Variants in ZNF614 observed in about 807,000 individuals in gnomAD.
ZNF614 encodes the protein zinc finger protein 614.
A neutral mutation model predicts 12.8 loss-of-function variants in ZNF614; 11 were observed. The ratio of observed to expected loss-of-function variants is 0.86; its 90% CI spans 0.54 to 1.43. The LOEUF is 1.43. Among genes scored for constraint, ZNF614 ranks in the 40% most tolerant of loss-of-function variants. The probability of loss-of-function intolerance (pLI) is 0.00; values close to 1 mark genes in which losing one functional copy is unlikely to be tolerated. For synonymous variants in ZNF614, 237 were observed against 237.5 expected, an observed-to-expected ratio of 1.00 and a Z score of 0.02; for missense variants, 664 against 708.8, an observed-to-expected ratio of 0.94 and a Z score of 0.72.
At chr19:52,020,532 G>A (rs576922050) in intron 2 of ZNF614, among the ~76,000 whole-genome samples, 1 of 152,272 alleles carries the variant, frequency 6.6e-6, no homozygotes, top group South Asian at 2.1e-4. Context: ...AGCCAGCGAG[G>A]CGCACCTAAA....
chr19:52,017,334 C>T lies in ZNF614; in HGVS notation c.264G>A (p.Leu88=). The change falls in exon 5 of 5, where the codon CTG becomes CTA. Residue 88 remains leucine, a synonymous_variant. Transcript: ENST00000270649. ...CPGIGKVDSH[L]QEHSPNQRLL... is the part of the protein sequence containing the mutation. ...GTCTTTGGTTTGGAGAGTGCTCTTG[C>T]AGATGACTGTCAACTTTCCCGATTC... is the stretch of plus-strand genomic sequence containing the variant. The T allele has an allele frequency of 6.2e-7, 1 of 1,601,650 alleles. No individual in the cohort carries two copies. The highest frequency in any genetic ancestry group is 1.1e-5 in the South Asian group (1 of 89,514).
In ZNF614 at chr19:52,018,352, G is replaced by A. The variant is rs764132888; in HGVS notation, c.142+16C>T. ...ATTGTAGGCACCTCTAGGTGACACA[G>A]GGAAACTATTCTTACCCAGTGATAC... On this transcript the variant is annotated intron_variant, in intron 3 of 4. Transcript: ENST00000270649. 6 of 1,613,908 alleles carry A rather than the reference G, an allele frequency of 3.7e-6. No individual in the cohort carries two copies. In the South Asian group the frequency reaches 6.6e-5, roughly 18 times the overall value.
chr19:52,025,326 T>C (rs2086964012), intron 2 of ZNF614, among the ~76,000 whole-genome samples: 1 of 152,098 alleles, frequency 6.6e-6, no homozygotes, highest in African/African-American at 2.4e-5. Context: ...TCTACTTTTT[T>C]TTCCTTCTTT....
chr19:52,023,195 G>A (rs549565863), intron 2 of ZNF614, among the ~76,000 whole-genome samples: 3 of 148,666 alleles, frequency 2.0e-5, no homozygotes, highest in Non-Finnish European at 3.0e-5. Flanking sequence ...TTGAGATGGA[G>A]TATCGCTCTG....
intron 2 of ZNF614, among the ~76,000 whole-genome samples, chr19:52,022,763 T>A (rs925674756): frequency 2.6e-5 from 4 of 152,068 alleles, no homozygotes; most frequent in African/African-American, 9.7e-5. Flanking sequence ...TTACCTATGG[T>A]ACCTAGTTAA....
chr19:52,025,277 G>C (rs190741023), intron 2 of ZNF614, among the ~76,000 whole-genome samples: 56 of 152,212 alleles, frequency 3.7e-4, no homozygotes, highest in Middle Eastern at 3.4e-3. Flanking sequence ...ATGGTCAAAA[G>C]TTGAACTACC....
At chr19:52,026,146 A>G (rs1296273099) in intron 1 of ZNF614, among the ~76,000 whole-genome samples, 185 bp from the exon 2 acceptor site, 1 of 152,236 alleles carries the variant, frequency 6.6e-6, no homozygotes, top group Non-Finnish European at 1.5e-5. Context: ...TAGAAGTGGC[A>G]TGACTATTAT....
rs1280649301 is a variant in ZNF614, at chr19:52,016,913, G to A, written c.685C>T (p.Gln229Ter). 1 of 1,614,128 alleles carries A rather than the reference G, an allele frequency of 6.2e-7. No homozygotes were observed. Among genetic ancestry groups the A allele is most frequent in the Non-Finnish European group, 8.5e-7 (1 of 1,180,014 alleles). The change falls in exon 5 of 5, where the codon CAA (glutamine) becomes TAA (stop). Residue 229 changes from glutamine (Q) to a stop codon, truncating the protein, a stop_gained. Coordinates refer to ENST00000270649, the MANE Select transcript of ZNF614 (RefSeq NM_025040.4). LOFTEE classifies it low-confidence loss of function (END_TRUNC). The stretch of plus-strand genomic sequence containing the variant: ...CATTGACCACTTCCAGGATTCTCTT[G>A]TATACAAATGTTCTCATGGTAAATG... The part of the protein sequence containing the change: ...QLIYHENICI[Q>*]ENPGSGQCEK...
chr19:52,016,602 T>G lies in ZNF614; in HGVS notation c.996A>C (p.Val332=). 1 of 1,614,216 alleles carries G rather than the reference T, an allele frequency of 6.2e-7. No homozygotes were observed. Among genetic ancestry groups the G allele is most frequent in the Non-Finnish European group, 8.5e-7 (1 of 1,180,028 alleles). The part of the protein sequence containing the change: ...KGFTVKSNLI[V]HQRTHTGEKP... ...TCTCCCCTGTATGAGTTCGCTGATG[T>G]ACAATGAGATTGCTCTTCACAGTGA... The change falls in exon 5 of 5, where the codon GTA becomes GTC. Residue 332 remains valine (V), a synonymous_variant. Coordinates refer to ENST00000270649, the MANE Select transcript of ZNF614 (RefSeq NM_025040.4).
chr19:52,018,313 G>T, intron 3 of ZNF614, 55 bp downstream of exon 3: 29 of 1,612,456 alleles, frequency 1.8e-5, no homozygotes, highest in Non-Finnish European at 2.5e-5. Flanking sequence ...GTGAGCATAG[G>T]ACGGTGTCTG....
chr19:52,026,808 TG>T (rs1466604773), intron 1 of ZNF614, among the ~76,000 whole-genome samples: 1 of 152,254 alleles, frequency 6.6e-6, no homozygotes, highest in Admixed American at 6.5e-5. Flanking sequence ...TGAGACATGC[TG>T]GTGGCAATAC....
In ZNF614 at chr19:52,014,784, A is replaced by G. The variant is rs990026475; in HGVS notation, c.*1056T>C. 1 of 152,154 alleles carries G rather than the reference A, an allele frequency of 6.6e-6. No homozygotes were observed. The highest frequency in any genetic ancestry group is 1.5e-5 in the Non-Finnish European group (1 of 68,028). The allele number at this position is 152,154 out of a possible 1,614,324, so 9.4% of individuals were successfully genotyped here. On this transcript the variant is annotated 3_prime_UTR_variant, in exon 5 of 5. Coordinates refer to ENST00000270649, the MANE Select transcript of ZNF614 (RefSeq NM_025040.4). ...CATCCTCTAGTTACTTGATCTTCCT[A>G]GAGAACAGCCCCATTCTGAGGCTGT...
intron 2 of ZNF614, among the ~76,000 whole-genome samples, chr19:52,018,853 T>A (rs759817416): frequency 1.3e-5 from 2 of 152,136 alleles, no homozygotes; most frequent in Non-Finnish European, 2.9e-5. Flanking sequence ...CCCCTAAAGT[T>A]GATTAGATTT....
intron 2 of ZNF614, among the ~76,000 whole-genome samples, chr19:52,023,413 C>T (rs775116400): frequency 1.3e-5 from 2 of 151,974 alleles, no homozygotes; most frequent in African/African-American, 2.4e-5. Context: ...ATGATCCGCT[C>T]GGGATTACAG....
chr19:52,013,479 A>T lies in ZNF614; in HGVS notation c.*2361T>A, dbSNP rs926994550. ...GTTAGATACATGGTGGTAAAAAAAAATAATAAAACAACTATTCATCAACTC... is the reference window on the plus strand; with the variant it reads ...GTTAGATACATGGTGGTAAAAAAAATTAATAAAACAACTATTCATCAACTC... On this transcript the variant is annotated 3_prime_UTR_variant, in exon 5 of 5. Transcript: ENST00000270649. 10 of 155,578 alleles carry T rather than the reference A, an allele frequency of 6.4e-5. No homozygotes were observed. Among genetic ancestry groups the T allele is most frequent in the African/African-American group, 2.4e-4 (10 of 41,466 alleles). 9.6% of individuals were successfully genotyped at this position (155,578 alleles called of 1,614,324 possible).
Position 52,017,333 on chromosome 19 carries a change from G to A in ZNF614, c.265C>T (p.Gln89Ter), listed in dbSNP as rs2086905785. The A allele has an allele frequency of 6.2e-7, 1 of 1,602,004 alleles. No individual in the cohort carries two copies. The highest frequency in any genetic ancestry group is 1.3e-5 in the African/African-American group (1 of 74,436). Residue 89 changes from glutamine to a stop codon, truncating the protein, a stop_gained, in exon 5 of 5, where the codon CAA (glutamine) becomes TAA (stop). Transcript: ENST00000270649. LOFTEE classifies it low-confidence loss of function (END_TRUNC). ...AGTCTTTGGTTTGGAGAGTGCTCTT[G>A]CAGATGACTGTCAACTTTCCCGATT... ...PGIGKVDSHL[Q>*]EHSPNQRLLK...
chr19:52,022,716 A>G (rs2086940089), intron 2 of ZNF614, among the ~76,000 whole-genome samples: 1 of 152,162 alleles, frequency 6.6e-6, no homozygotes, highest in Non-Finnish European at 1.5e-5. Flanking sequence ...CAGGTTTGAT[A>G]ATTTACTAGA....
Position 52,016,186 on chromosome 19 carries a change from A to G in ZNF614, c.1412T>C (p.Ile471Thr), listed in dbSNP as rs1314298773. Residue 471 changes from isoleucine (I) to threonine (T), a missense_variant, in exon 5 of 5, where the codon ATA (isoleucine) becomes ACA (threonine). Transcript: ENST00000270649. ...GKAFSQKICL[I>T]QHERCHTGKT... The stretch of plus-strand genomic sequence containing the variant: ...TCCTGTATGACATCTCTCATGTTGT[A>G]TGAGGCATATTTTCTGGCTGAAGGC... 1 of 1,613,964 alleles carries G rather than the reference A, an allele frequency of 6.2e-7. No individual in the cohort carries two copies. Among genetic ancestry groups the G allele is most frequent in the Non-Finnish European group, 8.5e-7 (1 of 1,179,936 alleles).
intron 2 of ZNF614, among the ~76,000 whole-genome samples, chr19:52,019,184 C>CAT (rs1371585687): frequency 6.6e-6 from 1 of 151,914 alleles, no homozygotes; most frequent in Non-Finnish European, 1.5e-5. Flanking sequence ...AACATATATA[C>CAT]ATATGTGTAT....
Sources: allele counts gnomAD v4.1 joint callset (sites outside exome capture counted in the v4.1 genomes callset), GRCh38; gene constraint gnomAD v4.1.1; transcripts MANE v1.5; gene names NCBI Gene and HGNC (gene_info 2026-07-23, HGNC 2026-07-21).